PLCB4: variants seen among roughly 807,000 people sequenced by gnomAD.
PLCB4 encodes 1-phosphatidylinositol 4,5-bisphosphate phosphodiesterase beta-4.
PLCB4 carries 77 observed loss-of-function variants against 178.8 expected under a neutral mutation model. The ratio of observed to expected loss-of-function variants is 0.43; its 90% CI spans 0.36 to 0.52. PLCB4 has a LOEUF of 0.52. Ranked by LOEUF, PLCB4 falls within the 20% of genes least tolerant of loss-of-function variation. PLCB4 has a pLI of 0.00. For missense variants in PLCB4, 1,024 were observed against 1,453.4 expected, an observed-to-expected ratio of 0.70 and a Z score of 4.80; for synonymous variants, 496 against 490.8, an observed-to-expected ratio of 1.01 and a Z score of -0.14.
chr20:9,410,888 T>C (rs895807452), intron 24 of PLCB4, 149 bp from the exon 25 acceptor site: 1 of 593,624 alleles, frequency 1.7e-6, no homozygotes, highest in African/African-American at 1.9e-5. Context: ...GAAGAGAGTA[T>C]GCCTTAAATA....
chr20:9,442,141 A>T lies in PLCB4; in HGVS notation c.2765-1840A>T, dbSNP rs867241292. ...CAGTCCTATATAGTAGCCACTAACC[A>T]CATGGGGCTACCACTAACCACATAG... On this transcript the variant is annotated intron_variant, in intron 30 of 39. Coordinates refer to ENST00000378473, the MANE Select transcript of PLCB4 (RefSeq NM_001377142.1). Among the ~76,000 whole-genome samples the T allele has an allele frequency of 4.6e-5, 7 of 152,314 alleles. No homozygotes were observed. In the South Asian group the frequency reaches 1.4e-3, roughly 32 times the overall value.
intron 1 of PLCB4, among the ~76,000 whole-genome samples, chr20:9,072,676 G>T (rs1206280498): frequency 2.0e-5 from 3 of 152,096 alleles, no homozygotes; most frequent in Admixed American, 2.0e-4. Context: ...GGGTGGAAGG[G>T]TAGAAAGAGT....
At chr20:9,342,411 A>AG (rs2033316562) in intron 7 of PLCB4, among the ~76,000 whole-genome samples, 1 of 152,174 alleles carries the variant, frequency 6.6e-6, no homozygotes, top group African/African-American at 2.4e-5. Context: ...GCCTAGAATC[A>AG]GGGGGCCATG....
intron 18 of PLCB4, 41 bp downstream of exon 18, chr20:9,393,719 C>A: frequency 1.7e-6 from 2 of 1,198,956 alleles, no homozygotes; most frequent in Non-Finnish European, 2.5e-6. Context: ...GCATACATAA[C>A]ATGTGTGGAC....
chr20:9,304,245 G>A (rs192307318), intron 3 of PLCB4, among the ~76,000 whole-genome samples: 1 of 151,626 alleles, frequency 6.6e-6, no homozygotes, highest in African/African-American at 2.4e-5. Context: ...GTGTGGGGGG[G>A]TGTGAATGTT....
At chr20:9,357,812 G>C (rs1326452796) in intron 7 of PLCB4, among the ~76,000 whole-genome samples, 1 of 152,184 alleles carries the variant, frequency 6.6e-6, no homozygotes, top group Non-Finnish European at 1.5e-5. Context: ...TTGCTTATAA[G>C]CTACCCATAT....
At chr20:9,358,880 C>A (rs1018005489) in intron 7 of PLCB4, among the ~76,000 whole-genome samples, 4 of 152,062 alleles carry the variant, frequency 2.6e-5, no homozygotes, top group African/African-American at 9.7e-5. Context: ...ACCTGGGCGA[C>A]AGAGCAAGAC....
intron 3 of PLCB4, among the ~76,000 whole-genome samples, chr20:9,296,709 G>C (rs556627478): frequency 6.6e-6 from 1 of 152,198 alleles, no homozygotes; most frequent in Non-Finnish European, 1.5e-5. Flanking sequence ...TCCTTTGTAG[G>C]GACATGGATG....
chr20:9,458,236 A>T (rs1370225609), intron 34 of PLCB4, among the ~76,000 whole-genome samples: 2 of 152,180 alleles, frequency 1.3e-5, no homozygotes, highest in Non-Finnish European at 2.9e-5. Context: ...AGCAGGCAAG[A>T]TGTTCAAGAT....
At chr20:9,192,738 C>A (rs1260696204) in intron 2 of PLCB4, among the ~76,000 whole-genome samples, 1 of 151,168 alleles carries the variant, frequency 6.6e-6, no homozygotes, top group Non-Finnish European at 1.5e-5. Context: ...TTGCTTGAGC[C>A]TGGGAGGTTG....
Position 9,370,674 on chromosome 20 carries a change from G to A in PLCB4, c.504-540G>A, listed in dbSNP as rs192346197. Among the ~76,000 whole-genome samples the A allele has an allele frequency of 4.7e-4, 72 of 152,162 alleles. No homozygotes were observed. The East Asian group carries it at 0.014, about 29-fold the overall frequency. The stretch of plus-strand genomic sequence containing the variant: ...TGTAATCCTAGCACTTTGGGAGGCC[G>A]AGGTGGGTGGATCACCTGAGGTCAG... On this transcript the variant is annotated intron_variant, in intron 9 of 39. Transcript: ENST00000378473.
At chr20:9,465,663 A>C (rs890321238) in intron 35 of PLCB4, among the ~76,000 whole-genome samples, 1 of 152,242 alleles carries the variant, frequency 6.6e-6, no homozygotes, top group Non-Finnish European at 1.5e-5. Context: ...GAGCCAAATC[A>C]TGAGTGAGCT....
At chr20:9,234,121 A>T (rs766567048) in intron 3 of PLCB4, among the ~76,000 whole-genome samples, 2 of 152,088 alleles carry the variant, frequency 1.3e-5, no homozygotes, top group Non-Finnish European at 2.9e-5. Context: ...TAAGGTGAAT[A>T]AAAAAAGGCA....
chr20:9,356,918 C>A (rs993833003), intron 7 of PLCB4, among the ~76,000 whole-genome samples: 1 of 152,044 alleles, frequency 6.6e-6, no homozygotes, highest in Admixed American at 6.5e-5. Flanking sequence ...GAGTTTGAGA[C>A]CAACCTGGGC....
chr20:9,182,318 T>A (rs1437884508), intron 2 of PLCB4, among the ~76,000 whole-genome samples: 1 of 152,202 alleles, frequency 6.6e-6, no homozygotes, highest in Non-Finnish European at 1.5e-5. Flanking sequence ...CACCTGCTTC[T>A]GGGGCTCTCA....
At chr20:9,165,285 C>G (rs185125472) in intron 2 of PLCB4, among the ~76,000 whole-genome samples, 1 of 152,134 alleles carries the variant, frequency 6.6e-6, no homozygotes, top group South Asian at 2.1e-4. Context: ...TGCTTCCATT[C>G]GCTATACTTT....
At chr20:9,471,821 G>A (rs1301682474) in intron 36 of PLCB4, among the ~76,000 whole-genome samples, 5 of 152,056 alleles carry the variant, frequency 3.3e-5, no homozygotes, top group Non-Finnish European at 7.3e-5. Flanking sequence ...CAACTGGATT[G>A]GAGTAAGGAA....
At chr20:9,146,744 G>C (rs1306283318) in intron 2 of PLCB4, among the ~76,000 whole-genome samples, 1 of 152,068 alleles carries the variant, frequency 6.6e-6, no homozygotes, top group Non-Finnish European at 1.5e-5. Context: ...CCAAGGTGCC[G>C]GAGCCATCTC....
At chr20:9,360,541 C>T (rs1880510488) in intron 7 of PLCB4, among the ~76,000 whole-genome samples, 1 of 151,652 alleles carries the variant, frequency 6.6e-6, no homozygotes. Context: ...AGTAAGCCTG[C>T]AGGTTGAGAA....
Sources: gnomAD v4.1 joint callset for allele counts (sites outside exome capture counted in the v4.1 genomes callset) on GRCh38, gnomAD v4.1.1 for gene constraint, MANE v1.5 for transcripts, NCBI Gene and HGNC (gene_info 2026-07-23, HGNC 2026-07-21) for gene names.